Variants in CSMD1 observed in about 807,000 individuals in gnomAD.
CSMD1 encodes the protein CUB and Sushi multiple domains 1.
CSMD1 carries 213 observed loss-of-function variants against 417.5 expected under a neutral mutation model. The observed-to-expected ratio is 0.51, with a 90% CI of 0.46 to 0.57. The LOEUF is 0.57. Among genes scored for constraint, CSMD1 ranks in the 20% least tolerant of loss-of-function variants. CSMD1 has a pLI of 0.00. For missense variants in CSMD1, 6,923 were observed against 4,529.7 expected (o/e 1.53, Z -15.17); for synonymous variants, 2,862 against 1,736.8 (o/e 1.65, Z -16.11).
intron 5 of CSMD1, among the ~76,000 whole-genome samples, chr8:3,907,270 C>T (rs1404798316): frequency 6.6e-6 from 1 of 152,166 alleles, no homozygotes; most frequent in Non-Finnish European, 1.5e-5. Flanking sequence ...TAAGTCTTTA[C>T]ATGCATTTTT....
chr8:4,569,581 G>A (rs890488370), intron 2 of CSMD1, among the ~76,000 whole-genome samples: 2 of 152,114 alleles, frequency 1.3e-5, no homozygotes, highest in Admixed American at 6.5e-5. Flanking sequence ...GTAGTATGAC[G>A]CCTCCAGCTT....
intron 1 of CSMD1, among the ~76,000 whole-genome samples, chr8:4,925,680 G>A (rs983884360): frequency 6.6e-5 from 10 of 151,946 alleles, no homozygotes; most frequent in Non-Finnish European, 1.5e-4. Context: ...CCAAGTAGCT[G>A]GGACTACAGG....
At chr8:3,112,379 T>C (rs960118543) in intron 42 of CSMD1, among the ~76,000 whole-genome samples, 11 of 152,154 alleles carry the variant, frequency 7.2e-5, no homozygotes, top group Admixed American at 5.2e-4. Context: ...ACATTATATA[T>C]AGTAGCACCC....
chr8:4,662,339 G>C (rs141175816), intron 1 of CSMD1, among the ~76,000 whole-genome samples: 21 of 152,314 alleles, frequency 1.4e-4, no homozygotes, highest in African/African-American at 5.1e-4. Context: ...AGGGAAAGCA[G>C]AGGGGGCGAT....
chr8:3,089,270 G>A (rs1288678052), intron 48 of CSMD1, among the ~76,000 whole-genome samples: 3 of 152,202 alleles, frequency 2.0e-5, no homozygotes, highest in Non-Finnish European at 4.4e-5. Flanking sequence ...GGGACAGGTG[G>A]ATATTCTGGA....
chr8:4,881,835 C>G (rs1803422312), intron 1 of CSMD1, among the ~76,000 whole-genome samples: 1 of 151,964 alleles, frequency 6.6e-6, no homozygotes, highest in Non-Finnish European at 1.5e-5. Flanking sequence ...AGCCAAGATT[C>G]TACAATTCGA....
At chr8:4,402,412 G>A (rs1804704087) in intron 3 of CSMD1, among the ~76,000 whole-genome samples, 2 of 151,884 alleles carry the variant, frequency 1.3e-5, no homozygotes, top group African/African-American at 2.4e-5. Flanking sequence ...CCTTATTACT[G>A]CTGCGTTCCT....
At chr8:3,968,125 T>C (rs1199691462) in intron 5 of CSMD1, among the ~76,000 whole-genome samples, 1 of 151,390 alleles carries the variant, frequency 6.6e-6, no homozygotes, top group Non-Finnish European at 1.5e-5. Context: ...AGGCAGAGCT[T>C]GCAGTGAGCC....
chr8:4,022,131 T>TAC lies in CSMD1; in HGVS notation c.610+9772_610+9773dup, dbSNP rs576483793. ...TGAATGGATATAGAATATATATATATACATAAATATGTATATATTTGTATA... is the reference window on the plus strand; with the variant it reads ...TGAATGGATATAGAATATATATATATACACATAAATATGTATATATTTGTATA... On this transcript the variant is annotated intron_variant, in intron 4 of 69. Coordinates refer to ENST00000635120, the MANE Select transcript of CSMD1 (RefSeq NM_033225.6). 3.7e-4 allele frequency among the ~76,000 whole-genome samples: 54 copies of TAC among 145,786 alleles called. No individual in the cohort carries two copies. The East Asian group carries it at 3.9e-3, about 11-fold the overall frequency.
chr8:3,168,491 C>T (rs1265863172), intron 37 of CSMD1, among the ~76,000 whole-genome samples: 1 of 152,100 alleles, frequency 6.6e-6, no homozygotes, highest in Non-Finnish European at 1.5e-5. Context: ...AGAAAGAAAT[C>T]AAGTCACCCA....
chr8:4,003,484 G>A (rs1408133572), intron 4 of CSMD1, among the ~76,000 whole-genome samples: 1 of 151,980 alleles, frequency 6.6e-6, no homozygotes, highest in Non-Finnish European at 1.5e-5. Context: ...GGGAAAAAAA[G>A]ATTTTAAATG....
At chr8:4,325,764 C>T (rs576756461) in intron 3 of CSMD1, among the ~76,000 whole-genome samples, 2 of 152,264 alleles carry the variant, frequency 1.3e-5, no homozygotes, top group Admixed American at 6.5e-5. Flanking sequence ...TGTTGCACCC[C>T]TCTCCACTTC....
At chr8:4,183,081 T>C (rs1384998019) in intron 3 of CSMD1, among the ~76,000 whole-genome samples, 3 of 152,172 alleles carry the variant, frequency 2.0e-5, no homozygotes, top group Non-Finnish European at 4.4e-5. Context: ...GTCACACTCA[T>C]ATCACAGCGA....
In CSMD1 at chr8:3,976,555, G is replaced by A. The variant is rs145174482; in HGVS notation, c.818+21348C>T. Among the ~76,000 whole-genome samples, 227 of 152,296 alleles carry A rather than the reference G, an allele frequency of 1.5e-3. 1 individual carries two copies. Among genetic ancestry groups the A allele is most frequent in the African/African-American group, 4.9e-3 (205 of 41,564 alleles). ...ATCACAAGAGCCTGTGAAACAGAGT[G>A]TCTTCTCAGCAATTAAGACAAAGTA... is the stretch of plus-strand genomic sequence containing the variant. On this transcript the variant is annotated intron_variant, in intron 5 of 69. Transcript: ENST00000635120.
intron 3 of CSMD1, among the ~76,000 whole-genome samples, chr8:4,171,448 T>A (rs1367158402): frequency 6.6e-6 from 1 of 151,922 alleles, no homozygotes; most frequent in Non-Finnish European, 1.5e-5. Flanking sequence ...ATGCATGACT[T>A]ATTGGCTCTC....
intron 5 of CSMD1, among the ~76,000 whole-genome samples, chr8:3,781,275 C>A (rs922914937): frequency 6.6e-6 from 1 of 152,014 alleles, no homozygotes; most frequent in East Asian, 1.9e-4. Context: ...GAGTACATGC[C>A]GAGAGAATAT....
intron 4 of CSMD1, among the ~76,000 whole-genome samples, chr8:4,020,438 A>G (rs1175869074): frequency 6.6e-6 from 1 of 152,192 alleles, no homozygotes; most frequent in Admixed American, 6.5e-5. Context: ...TCTATGCTCT[A>G]TTGATATTAT....
intron 41 of CSMD1, among the ~76,000 whole-genome samples, chr8:3,134,283 C>T (rs975375672): frequency 6.6e-6 from 1 of 152,176 alleles, no homozygotes; most frequent in African/African-American, 2.4e-5. Flanking sequence ...GTCCGGAGGC[C>T]GTGATGTTAG....
At chr8:3,517,528 C>G (rs1378494307) in intron 10 of CSMD1, among the ~76,000 whole-genome samples, 1 of 152,166 alleles carries the variant, frequency 6.6e-6, no homozygotes, top group African/African-American at 2.4e-5. Context: ...CAATGTCACA[C>G]AAGTCCCTGG....
Sources: gnomAD v4.1 joint callset for allele counts (sites outside exome capture counted in the v4.1 genomes callset) on GRCh38, gnomAD v4.1.1 for gene constraint, MANE v1.5 for transcripts, NCBI Gene and HGNC (gene_info 2026-07-23, HGNC 2026-07-21) for gene names.